The following KSR1 variants were observed in gnomAD, a reference collection of about 807,000 sequenced individuals.
The protein encoded by KSR1 is kinase suppressor of ras 1, also known as kinase suppressor of ras.
KSR1 carries 35 observed loss-of-function variants against 92.9 expected under a neutral mutation model. That is an observed-to-expected ratio of 0.38 (90% CI 0.29 to 0.50). KSR1 has a LOEUF of 0.50. Among genes scored for constraint, KSR1 ranks in the 20% least tolerant of loss-of-function variants. The probability of loss-of-function intolerance (pLI) is 0.94; values close to 1 mark genes in which losing one functional copy is unlikely to be tolerated. For missense variants in KSR1, 972 were observed against 1,158.5 expected, an observed-to-expected ratio of 0.84 and a Z score of 2.34; for synonymous variants, 467 against 472.6, an observed-to-expected ratio of 0.99 and a Z score of 0.15.
chr17:27,468,360 C>T (rs1276377362), intron 1 of KSR1, among the ~76,000 whole-genome samples: 1 of 152,076 alleles, frequency 6.6e-6, no homozygotes, highest in Non-Finnish European at 1.5e-5. Context: ...CTCTGCCTCC[C>T]AAGTAGCTGG....
At chr17:27,546,671 G>C (rs558072634) in intron 1 of KSR1, among the ~76,000 whole-genome samples, 4 of 152,316 alleles carry the variant, frequency 2.6e-5, no homozygotes, top group African/African-American at 9.6e-5. Flanking sequence ...CAGGGGCTAT[G>C]GAACGGAGCT....
Position 27,586,787 on chromosome 17 carries a change from G to T in KSR1, c.985+1126G>T, listed in dbSNP as rs544015617. 1.4e-4 allele frequency among the ~76,000 whole-genome samples: 21 copies of T among 152,370 alleles called. No individual in the cohort carries two copies. In the East Asian group the frequency reaches 4.0e-3, roughly 29 times the overall value. ...CCCAGAAGTTGGTGCAGATCATAAG[G>T]TGGCTTTTGGGGCTAATTGATTGAA... is the stretch of plus-strand genomic sequence containing the variant. On this transcript the variant is annotated intron_variant, in intron 5 of 20. Transcript: ENST00000644974.
intron 1 of KSR1, among the ~76,000 whole-genome samples, chr17:27,482,090 G>C (rs929116692): frequency 7.2e-5 from 11 of 152,098 alleles, no homozygotes; most frequent in Non-Finnish European, 1.6e-4. Flanking sequence ...AAATGTTGTT[G>C]GTGGTGCTGA....
intron 3 of KSR1, among the ~76,000 whole-genome samples, chr17:27,580,530 T>G (rs918751571): frequency 2.6e-5 from 4 of 152,196 alleles, no homozygotes; most frequent in African/African-American, 9.7e-5. Context: ...CGCTCTAGGT[T>G]ATTCAGAATC....
intron 2 of KSR1, among the ~76,000 whole-genome samples, chr17:27,572,102 T>G (rs1793198129): frequency 6.6e-6 from 1 of 152,254 alleles, no homozygotes; most frequent in African/African-American, 2.4e-5. Flanking sequence ...CTCCTGCTAA[T>G]GACATGACTG....
intron 1 of KSR1, among the ~76,000 whole-genome samples, chr17:27,473,818 A>G (rs2068257863): frequency 6.6e-6 from 1 of 152,304 alleles, no homozygotes; most frequent in African/African-American, 2.4e-5. Flanking sequence ...TTGTCTTTTT[A>G]GGGGACAGGA....
intron 2 of KSR1, among the ~76,000 whole-genome samples, chr17:27,553,224 A>G (rs572320757): frequency 6.6e-6 from 1 of 152,262 alleles, no homozygotes; most frequent in Admixed American, 6.5e-5. Flanking sequence ...TGGAGGAGGA[A>G]AAATTAACAA....
In KSR1 at chr17:27,605,423, T is replaced by C; in HGVS notation, c.1615-11T>C. 6.2e-7 allele frequency: 1 copy of C among 1,605,978 alleles called. No homozygotes were observed. Among genetic ancestry groups the C allele is most frequent in the Non-Finnish European group, 8.5e-7 (1 of 1,178,288 alleles). On this transcript the variant is annotated splice_polypyrimidine_tract_variant and intron_variant, in intron 13 of 20. Coordinates refer to ENST00000644974, the MANE Select transcript of KSR1 (RefSeq NM_001394583.1). ...TGCTGCCCATCCCTGTTCTTCCTGC[T>C]CTCCTTTCAGGCTGAGGAGCCAGAG...
At chr17:27,574,102 C>T (rs1235211668) in intron 2 of KSR1, among the ~76,000 whole-genome samples, 2 of 152,152 alleles carry the variant, frequency 1.3e-5, no homozygotes, top group African/African-American at 4.8e-5. Flanking sequence ...GGTGGAGAGA[C>T]AAACTGAGGA....
intron 1 of KSR1, among the ~76,000 whole-genome samples, chr17:27,516,036 C>G (rs1329979633): frequency 1.3e-5 from 2 of 152,110 alleles, no homozygotes; most frequent in Non-Finnish European, 2.9e-5. Context: ...CCTCATCTGT[C>G]TTTGTGAATG....
At chr17:27,496,017 G>T (rs1367092986) in intron 1 of KSR1, among the ~76,000 whole-genome samples, 1 of 152,172 alleles carries the variant, frequency 6.6e-6, no homozygotes, top group African/African-American at 2.4e-5. Flanking sequence ...CTTCTGGAAC[G>T]TTTTGAGTTC....
intron 1 of KSR1, among the ~76,000 whole-genome samples, chr17:27,485,144 C>A (rs561067188): frequency 6.6e-6 from 1 of 152,218 alleles, no homozygotes; most frequent in South Asian, 2.1e-4. Context: ...GCTCTCGGGC[C>A]ATGGCTGTCT....
At chr17:27,616,451 G>A (rs980118153) in intron 18 of KSR1, among the ~76,000 whole-genome samples, 14 of 152,054 alleles carry the variant, frequency 9.2e-5, no homozygotes, top group Non-Finnish European at 1.5e-5. Context: ...TTTTATTGCA[G>A]CCTGGTCTTG....
At chr17:27,588,661 T>G (rs762097148) in intron 6 of KSR1, 126 bp downstream of exon 6, 21 of 832,200 alleles carry the variant, frequency 2.5e-5, no homozygotes, top group Non-Finnish European at 3.4e-5. Flanking sequence ...ATTTCACCTG[T>G]GGGACATGGC....
chr17:27,463,173 A>G (rs991300487), intron 1 of KSR1, among the ~76,000 whole-genome samples: 45 of 152,144 alleles, frequency 3.0e-4, no homozygotes, highest in African/African-American at 1.1e-3. Context: ...ACATTTATCC[A>G]TTTGCCACTG....
intron 1 of KSR1, among the ~76,000 whole-genome samples, chr17:27,468,939 A>C (rs977085433): frequency 4.6e-5 from 7 of 152,200 alleles, no homozygotes; most frequent in Admixed American, 1.3e-4. Flanking sequence ...CCTGATTTCC[A>C]GTCCATTCTT....
At chr17:27,500,071 T>C (rs1311754751) in intron 1 of KSR1, among the ~76,000 whole-genome samples, 2 of 152,224 alleles carry the variant, frequency 1.3e-5, no homozygotes, top group Non-Finnish European at 1.5e-5. Context: ...TTCTGCGTTA[T>C]GGCATCACCT....
Position 27,609,225 on chromosome 17 carries a change from C to A in KSR1, c.2121C>A (p.Ile707=). 4 of 1,613,966 alleles carry A rather than the reference C, an allele frequency of 2.5e-6. No homozygotes were observed. The highest frequency in any genetic ancestry group is 3.4e-6 in the Non-Finnish European group (4 of 1,179,860). ...KGMGYLHAKG[I]VHKDLKSKNV... ...TGGGATATCTTCATGCCAAGGGCAT[C>A]GTACACAAAGATCTCAAATCTAAGA... The change falls in exon 16 of 21, where the codon ATC becomes ATA. Residue 707 remains isoleucine, a synonymous_variant. Transcript: ENST00000644974.
Position 27,617,444 on chromosome 17 carries a change from A to C in KSR1, c.2627+16A>C. On this transcript the variant is annotated intron_variant, in intron 19 of 20. Coordinates refer to ENST00000644974, the MANE Select transcript of KSR1 (RefSeq NM_001394583.1). ...AGTCAGCTGAGTAAGTGCCTCTTCC[A>C]TGAGCCAGACTGCCAGCCAGGCCCT... The C allele has an allele frequency of 1.3e-6, 2 of 1,594,288 alleles. No individual in the cohort carries two copies. Among genetic ancestry groups the C allele is most frequent in the Non-Finnish European group, 1.7e-6 (2 of 1,164,222 alleles).
Sources: allele counts gnomAD v4.1 joint callset (sites outside exome capture counted in the v4.1 genomes callset), GRCh38; gene constraint gnomAD v4.1.1; transcripts MANE v1.5; gene names NCBI Gene and HGNC (gene_info 2026-07-23, HGNC 2026-07-21).